The following COLEC12 variants were observed in gnomAD, a reference collection of about 807,000 sequenced individuals.
COLEC12 encodes the protein collectin subfamily member 12.
In COLEC12, 33 loss-of-function variants were observed where a neutral mutation model predicts 71.1. The ratio of observed to expected loss-of-function variants is 0.46; its 90% CI spans 0.35 to 0.62. The LOEUF is 0.62. Among genes scored for constraint, COLEC12 ranks in the 20% least tolerant of loss-of-function variants. COLEC12 has a pLI of 0.00. For missense variants in COLEC12, 765 were observed against 916.1 expected, an observed-to-expected ratio of 0.84 and a Z score of 2.13; for synonymous variants, 350 against 353.0, an observed-to-expected ratio of 0.99 and a Z score of 0.10.
chr18:472,980 G>A lies in COLEC12; in HGVS notation c.58+7727C>T, dbSNP rs1297401200. Among the ~76,000 whole-genome samples the A allele has an allele frequency of 2.0e-5, 3 of 152,106 alleles. No individual in the cohort carries two copies. In the East Asian group the frequency reaches 5.8e-4, roughly 29 times the overall value. ...AGCCACAATTTAGTGCAGACCTACTGTATACCTGGCCCCCATATATATTAT... is the reference window on the plus strand; with the variant it reads ...AGCCACAATTTAGTGCAGACCTACTATATACCTGGCCCCCATATATATTAT... On this transcript the variant is annotated intron_variant, in intron 2 of 9. Transcript: ENST00000400256.
chr18:483,394 C>T (rs375214071), intron 1 of COLEC12, among the ~76,000 whole-genome samples: 3 of 140,896 alleles, frequency 2.1e-5, no homozygotes, highest in African/African-American at 5.4e-5. Context: ...TGTGGGACTC[C>T]GTCTCAAAAA....
chr18:349,130 CT>C (rs11313379), intron 3 of COLEC12, among the ~76,000 whole-genome samples: 7,837 of 152,326 alleles, frequency 0.051, 200 homozygotes, highest in Middle Eastern at 0.1. Context: ...ATGTCAGAGC[CT>C]TCCTGGCAGC....
intron 1 of COLEC12, among the ~76,000 whole-genome samples, chr18:491,224 TG>T (rs1352762450): frequency 2.6e-5 from 4 of 152,228 alleles, no homozygotes; most frequent in African/African-American, 9.6e-5. Flanking sequence ...TGCTTTCATA[TG>T]GGAATGGTGG....
At chr18:370,353 C>T (rs1183643405) in intron 2 of COLEC12, among the ~76,000 whole-genome samples, 1 of 152,088 alleles carries the variant, frequency 6.6e-6, no homozygotes, top group South Asian at 2.1e-4. Context: ...TTTATTTCCC[C>T]GATGGCCAAA....
At chr18:442,387 A>AG (rs1226299002) in intron 2 of COLEC12, among the ~76,000 whole-genome samples, 2 of 152,206 alleles carry the variant, frequency 1.3e-5, no homozygotes, top group Admixed American at 1.3e-4. Context: ...TAAACAGCGA[A>AG]GCCTGGCCCA....
At chr18:446,303 CACAA>C (rs1262484620) in intron 2 of COLEC12, among the ~76,000 whole-genome samples, 1 of 152,032 alleles carries the variant, frequency 6.6e-6, no homozygotes, top group African/African-American at 2.4e-5. Context: ...CATACACACA[CACAA>C]ACACACACCC....
At chr18:365,627 GT>G (rs1204777362) in intron 2 of COLEC12, among the ~76,000 whole-genome samples, 1 of 152,146 alleles carries the variant, frequency 6.6e-6, no homozygotes, top group African/African-American at 2.4e-5. Flanking sequence ...AAGGAAGAAG[GT>G]GACAGGAGGG....
At chr18:456,105 T>G (rs944142178) in intron 2 of COLEC12, among the ~76,000 whole-genome samples, 1 of 152,156 alleles carries the variant, frequency 6.6e-6, no homozygotes, top group African/African-American at 2.4e-5. Flanking sequence ...TTGCAGTACC[T>G]TCTATGGAGC....
At position 330,808 on chromosome 18, in the gene COLEC12, C is replaced by T. The variant is rs577423296; in HGVS notation, c.2063+860G>A. On this transcript the variant is annotated intron_variant, in intron 8 of 9. Coordinates refer to ENST00000400256, the MANE Select transcript of COLEC12 (RefSeq NM_130386.3). ...TCAAACCTCTAGGGGATGGTTATCC[C>T]GCAAATGCAACTTTGTTTATAGTGT... Among the ~76,000 whole-genome samples the T allele has an allele frequency of 2.6e-5, 4 of 151,666 alleles. No homozygotes were observed. The South Asian group carries it at 8.3e-4, about 32-fold the overall frequency.
At chr18:472,197 C>T (rs1485370100) in intron 2 of COLEC12, among the ~76,000 whole-genome samples, 1 of 152,188 alleles carries the variant, frequency 6.6e-6, no homozygotes, top group Non-Finnish European at 1.5e-5. Flanking sequence ...AGGCTACTCA[C>T]TCGTAACTGG....
chr18:360,343 C>A (rs139588571), intron 2 of COLEC12, among the ~76,000 whole-genome samples: 2 of 152,128 alleles, frequency 1.3e-5, no homozygotes, highest in African/African-American at 2.4e-5. Flanking sequence ...CGACCACACA[C>A]GGCTACTTTT....
Position 497,819 on chromosome 18 carries a change from G to A in COLEC12, c.7+2689C>T, listed in dbSNP as rs377749265. Reference sequence around the variant, plus strand: ...AACTATTTGATGTAATCAGGAACCCGGGGAAAATCTTTAGTTGGTTCCCTA... The same window carrying A: ...AACTATTTGATGTAATCAGGAACCCAGGGAAAATCTTTAGTTGGTTCCCTA... On this transcript the variant is annotated intron_variant, in intron 1 of 9. Coordinates refer to ENST00000400256, the MANE Select transcript of COLEC12 (RefSeq NM_130386.3). Among the ~76,000 whole-genome samples, 13 of 152,272 alleles carry A rather than the reference G, an allele frequency of 8.5e-5. No homozygotes were observed. The East Asian group carries it at 1.3e-3, about 16-fold the overall frequency.
intron 2 of COLEC12, among the ~76,000 whole-genome samples, chr18:396,444 T>C (rs60079750): frequency 0.011 from 1,712 of 152,320 alleles, 38 homozygotes; most frequent in African/African-American, 0.039. Flanking sequence ...TTACACAACC[T>C]ACTAACCTAC....
chr18:462,757 T>G (rs1036092178), intron 2 of COLEC12, among the ~76,000 whole-genome samples: 1 of 152,194 alleles, frequency 6.6e-6, no homozygotes, highest in Non-Finnish European at 1.5e-5. Context: ...CCACACCACA[T>G]GCATTTGATC....
intron 1 of COLEC12, among the ~76,000 whole-genome samples, chr18:487,222 A>C (rs1347829838): frequency 1.3e-5 from 2 of 152,228 alleles, no homozygotes; most frequent in East Asian, 1.9e-4. Flanking sequence ...TCACAAAAAA[A>C]ACACACACAC....
At chr18:432,476 G>A (rs1164007784) in intron 2 of COLEC12, among the ~76,000 whole-genome samples, 1 of 152,126 alleles carries the variant, frequency 6.6e-6, no homozygotes, top group African/African-American at 2.4e-5. Context: ...CAAAAACTAA[G>A]GGGGTAAGAC....
chr18:447,296 C>T (rs370926823), intron 2 of COLEC12, among the ~76,000 whole-genome samples: 1 of 152,238 alleles, frequency 6.6e-6, no homozygotes, highest in African/African-American at 2.4e-5. Flanking sequence ...GGCACCTTCC[C>T]GCATGGGAAG....
intron 2 of COLEC12, among the ~76,000 whole-genome samples, chr18:403,462 C>T (rs957708283): frequency 5.3e-5 from 8 of 152,348 alleles, no homozygotes; most frequent in Middle Eastern, 3.4e-3. Flanking sequence ...CTTCACCCCA[C>T]AGAATACAGA....
intron 2 of COLEC12, among the ~76,000 whole-genome samples, chr18:396,277 A>C (rs1476597774): frequency 6.6e-6 from 1 of 152,216 alleles, no homozygotes; most frequent in Non-Finnish European, 1.5e-5. Context: ...AACAACTCAA[A>C]AAGTCCTGGT....
Sources: allele counts gnomAD v4.1 joint callset (sites outside exome capture counted in the v4.1 genomes callset), GRCh38; gene constraint gnomAD v4.1.1; transcripts MANE v1.5; gene names NCBI Gene and HGNC (gene_info 2026-07-23, HGNC 2026-07-21).